Variants in B3GLCT observed in about 807,000 individuals in gnomAD.
B3GLCT encodes the protein beta 3-glucosyltransferase.
Under a neutral mutation model 63.4 loss-of-function variants are expected in B3GLCT, and 65 were observed. The observed-to-expected ratio is 1.03, with a 90% CI of 0.84 to 1.26. B3GLCT has a LOEUF of 1.26. B3GLCT is among the 50% of genes most tolerant of loss of function. B3GLCT has a pLI of 0.00. For synonymous variants in B3GLCT, 233 were observed against 219.2 expected, an observed-to-expected ratio of 1.06 and a Z score of -0.55; for missense variants, 577 against 604.8, an observed-to-expected ratio of 0.95 and a Z score of 0.48.
intron 4 of B3GLCT, among the ~76,000 whole-genome samples, chr13:31,239,481 T>C (rs1248243171): frequency 2.0e-5 from 3 of 152,234 alleles, no homozygotes; most frequent in Non-Finnish European, 4.4e-5. Flanking sequence ...ATGCCTATTA[T>C]GTGCACTGCA....
intron 8 of B3GLCT, among the ~76,000 whole-genome samples, chr13:31,270,112 GGCA>G: frequency 6.6e-6 from 1 of 152,290 alleles, no homozygotes; most frequent in South Asian, 2.1e-4. Flanking sequence ...TTATTCTAGA[GGCA>G]GGTGGCAGTT....
chr13:31,250,538 G>A (rs187523064), intron 6 of B3GLCT, among the ~76,000 whole-genome samples: 230 of 152,318 alleles, frequency 1.5e-3, no homozygotes, highest in Non-Finnish European at 2.5e-3. Flanking sequence ...AGGGGCGTCC[G>A]CCATTGCTGA....
chr13:31,239,237 T>C (rs531082700), intron 4 of B3GLCT, among the ~76,000 whole-genome samples: 48 of 152,134 alleles, frequency 3.2e-4, no homozygotes, highest in African/African-American at 9.6e-4. Flanking sequence ...TGACTACGGC[T>C]TCCTAAATGC....
At chr13:31,229,152 G>C (rs752796363) in intron 3 of B3GLCT, 33 bp from the exon 4 acceptor site, 2 of 1,360,512 alleles carry the variant, frequency 1.5e-6, no homozygotes, top group Non-Finnish European at 2.1e-6. Flanking sequence ...TTTGTAAAAA[G>C]AAATACCTGA....
intron 1 of B3GLCT, among the ~76,000 whole-genome samples, chr13:31,205,889 A>G (rs1300506011): frequency 3.9e-5 from 6 of 152,252 alleles, no homozygotes; most frequent in Non-Finnish European, 7.3e-5. Flanking sequence ...TATAAGTATC[A>G]TCAAATAAGA....
chr13:31,276,921 C>A, intron 10 of B3GLCT, 150 bp downstream of exon 10: 1 of 677,224 alleles, frequency 1.5e-6, no homozygotes. Context: ...CAATACTCCT[C>A]ATTGCACCAT....
intron 6 of B3GLCT, among the ~76,000 whole-genome samples, chr13:31,253,595 CAAAAAAAAAAAAAAAAA>C (rs35512327): frequency 5.4e-5 from 1 of 18,416 alleles, no homozygotes; most frequent in Non-Finnish European, 7.7e-5. Context: ...GACTCCATCT[CAAAAAAAAAAAAAAAAA>C]AAAAAAAAAC....
At chr13:31,300,663 T>G (rs899812702) in intron 12 of B3GLCT, among the ~76,000 whole-genome samples, 1 of 152,030 alleles carries the variant, frequency 6.6e-6, no homozygotes, top group African/African-American at 2.4e-5. Flanking sequence ...GAGTCATGAG[T>G]CATGGGTCTG....
chr13:31,317,241 G>A (rs1875085059), intron 12 of B3GLCT, among the ~76,000 whole-genome samples: 1 of 152,108 alleles, frequency 6.6e-6, no homozygotes, highest in Admixed American at 6.5e-5. Context: ...AGAGCACACT[G>A]GCCAACTTCA....
intron 3 of B3GLCT, among the ~76,000 whole-genome samples, 173 bp downstream of exon 3, chr13:31,223,164 C>T (rs1869911064): frequency 1.3e-5 from 2 of 152,100 alleles, no homozygotes; most frequent in African/African-American, 4.8e-5. Flanking sequence ...GGGGCAAACA[C>T]CTCTCAGATG....
chr13:31,218,181 T>C (rs911663352), intron 2 of B3GLCT, among the ~76,000 whole-genome samples: 1 of 150,078 alleles, frequency 6.7e-6, no homozygotes, highest in South Asian at 2.1e-4. Flanking sequence ...ATTCTTTTTG[T>C]GGCTACTTTT....
chr13:31,288,488 T>C (rs1360261646), intron 12 of B3GLCT, among the ~76,000 whole-genome samples: 3 of 152,218 alleles, frequency 2.0e-5, no homozygotes, highest in Admixed American at 6.5e-5. Context: ...TAAGCTGCTT[T>C]AGGGCCTAAA....
At chr13:31,320,789 A>G (rs1217935813) in intron 13 of B3GLCT, among the ~76,000 whole-genome samples, 1 of 151,918 alleles carries the variant, frequency 6.6e-6, no homozygotes, top group Non-Finnish European at 1.5e-5. Context: ...CTGAAGCACT[A>G]TTTTTTTCCT....
intron 4 of B3GLCT, among the ~76,000 whole-genome samples, chr13:31,235,136 C>T (rs910923580): frequency 6.6e-6 from 1 of 152,016 alleles, no homozygotes; most frequent in Admixed American, 6.5e-5. Flanking sequence ...GAGATGGACC[C>T]AGGCTGGAGA....
At chr13:31,230,443 G>C (rs767248550) in intron 4 of B3GLCT, among the ~76,000 whole-genome samples, 1 of 152,208 alleles carries the variant, frequency 6.6e-6, no homozygotes, top group African/African-American at 2.4e-5. Context: ...CTCTTCATGG[G>C]TATTGGAAAA....
Position 31,330,540 on chromosome 13 carries a change from G to GGT in B3GLCT, c.*872_*873insGT, listed in dbSNP as rs1555256791. On this transcript the variant is annotated 3_prime_UTR_variant, in exon 15 of 15. Coordinates refer to ENST00000343307, the MANE Select transcript of B3GLCT (RefSeq NM_194318.4). Reference sequence around the variant, plus strand: ...AATTTGGACCTTATGTTTTACTCTTGTTTTTTTTTTTTTTTTAAATGTTAC... The same window carrying GGT: ...AATTTGGACCTTATGTTTTACTCTTGGTTTTTTTTTTTTTTTTTAAATGTTAC... The GGT allele has an allele frequency of 1.5e-5, 2 of 136,990 alleles. No individual in the cohort carries two copies. Among genetic ancestry groups the GGT allele is most frequent in the East Asian group, 4.3e-4 (2 of 4,660 alleles). The allele number at this position is 136,990 out of a possible 1,614,324, so 8.5% of individuals were successfully genotyped here.
chr13:31,214,907 T>TTGCAGCAATGCAGC, intron 1 of B3GLCT, 144 bp from the exon 2 acceptor site: 1 of 727,028 alleles, frequency 1.4e-6, no homozygotes, highest in Non-Finnish European at 2.2e-6. Flanking sequence ...TAATACAAGT[T>TTGCAGCAATGCAGC]TGCAGCAATG....
At chr13:31,219,214 C>T (rs1278304130) in intron 2 of B3GLCT, among the ~76,000 whole-genome samples, 1 of 152,126 alleles carries the variant, frequency 6.6e-6, no homozygotes, top group African/African-American at 2.4e-5. Flanking sequence ...CGCTAGCAAA[C>T]CAAATTCAGC....
At position 31,249,271 on chromosome 13, in the gene B3GLCT, T is replaced by C. The variant is rs566223441; in HGVS notation, c.459+1305T>C. ...TAAATGCTGGAAAGATCCACTATGA[T>C]TTTTCTTCATGCTTTTAATTTCTGG... On this transcript the variant is annotated intron_variant, in intron 6 of 14. Transcript: ENST00000343307. Among the ~76,000 whole-genome samples the C allele has an allele frequency of 2.3e-4, 35 of 152,296 alleles. 1 individual carries two copies. In the South Asian group the frequency reaches 4.4e-3, roughly 19 times the overall value.
Sources: gnomAD v4.1 joint callset for allele counts (sites outside exome capture counted in the v4.1 genomes callset) on GRCh38, gnomAD v4.1.1 for gene constraint, MANE v1.5 for transcripts, NCBI Gene and HGNC (gene_info 2026-07-23, HGNC 2026-07-21) for gene names.